Variants in KDM4C observed in about 807,000 individuals in gnomAD.
The protein encoded by KDM4C is lysine demethylase 4C, also known as lysine-specific demethylase 4C.
Under a neutral mutation model 129.3 loss-of-function variants are expected in KDM4C, and 81 were observed. The observed-to-expected ratio is 0.63, with a 90% CI of 0.52 to 0.75. The LOEUF is 0.75. Among genes scored for constraint, KDM4C ranks in the 30% least tolerant of loss-of-function variants. The probability of loss-of-function intolerance (pLI) is 0.00; values close to 1 mark genes in which losing one functional copy is unlikely to be tolerated. For synonymous variants in KDM4C, 573 were observed against 456.1 expected, an observed-to-expected ratio of 1.26 and a Z score of -3.26; for missense variants, 1,457 against 1,304.0, an observed-to-expected ratio of 1.12 and a Z score of -1.81.
At chr9:6,860,910 T>C (rs1840810965) in intron 5 of KDM4C, among the ~76,000 whole-genome samples, 1 of 152,178 alleles carries the variant, frequency 6.6e-6, no homozygotes, top group African/African-American at 2.4e-5. Context: ...AACTCCTTTT[T>C]TGTAAAAGTG....
intron 4 of KDM4C, among the ~76,000 whole-genome samples, chr9:6,832,413 C>A (rs530196795): frequency 5.9e-4 from 87 of 147,664 alleles, no homozygotes; most frequent in African/African-American, 1.8e-3. Flanking sequence ...ATAGATTATT[C>A]TTTTTCTTTT....
Position 6,984,454 on chromosome 9 carries a change from G to A in KDM4C, c.1354+50G>A, listed in dbSNP as rs556636144. On this transcript the variant is annotated intron_variant, in intron 10 of 21. Coordinates refer to ENST00000381309, the MANE Select transcript of KDM4C (RefSeq NM_015061.6). ...CACATATAAGTAGTAGGTGGTTGAT[G>A]ATCAGATGTCTTAAATGGATGTTCA... 11 of 1,195,746 alleles carry A rather than the reference G, an allele frequency of 9.2e-6. No individual in the cohort carries two copies. The South Asian group carries it at 1.4e-4, about 15-fold the overall frequency. The allele number at this position is 1,195,746 out of a possible 1,614,324, so 74.1% of individuals were successfully genotyped here. A position where few individuals can be genotyped will look rare whatever the true frequency, so the allele number is the denominator to read the frequency against.
At chr9:6,807,410 C>G (rs1377974475) in intron 3 of KDM4C, among the ~76,000 whole-genome samples, 3 of 144,808 alleles carry the variant, frequency 2.1e-5, no homozygotes, top group African/African-American at 7.8e-5. Context: ...CGTCTCCGCC[C>G]GGCCGCCATC....
At chr9:6,789,713 G>C (rs950486040) in intron 1 of KDM4C, among the ~76,000 whole-genome samples, 2 of 151,844 alleles carry the variant, frequency 1.3e-5, no homozygotes, top group Non-Finnish European at 2.9e-5. Flanking sequence ...TATAGAGTGA[G>C]GCTGCTATCC....
intron 5 of KDM4C, among the ~76,000 whole-genome samples, chr9:6,864,169 A>T (rs1160982183): frequency 6.6e-6 from 1 of 151,904 alleles, no homozygotes; most frequent in Admixed American, 6.6e-5. Context: ...TCCCTTTAAG[A>T]TTTCTTGTAA....
At chr9:6,841,682 C>A (rs1018427742) in intron 4 of KDM4C, among the ~76,000 whole-genome samples, 1 of 152,092 alleles carries the variant, frequency 6.6e-6, no homozygotes, top group African/African-American at 2.4e-5. Context: ...CCACAGTCTC[C>A]GTGTTGATAT....
rs76055221 is a variant in KDM4C, at chr9:7,036,307, A to G, written c.2260-10555A>G. ...ATAAGCCAGCTGGGTTTTTATTTGA[A>G]AACCAAATGTTGTATAACGTTAACA... On this transcript the variant is annotated intron_variant, in intron 15 of 21. Coordinates refer to ENST00000381309, the MANE Select transcript of KDM4C (RefSeq NM_015061.6). Among the ~76,000 whole-genome samples, 615 of 152,312 alleles carry G rather than the reference A, an allele frequency of 4.0e-3. 2 individuals carry two copies. The highest frequency in any genetic ancestry group is 0.014 in the African/African-American group (569 of 41,552).
intron 15 of KDM4C, among the ~76,000 whole-genome samples, chr9:7,043,344 A>G (rs1445290326): frequency 6.6e-6 from 1 of 152,022 alleles, no homozygotes; most frequent in Non-Finnish European, 1.5e-5. Flanking sequence ...ATACAGGTAC[A>G]ATTACTGTTT....
intron 1 of KDM4C, chr9:6,734,474 A>G (rs1817457218): frequency 1.2e-5 from 2 of 165,198 alleles, no homozygotes; most frequent in Non-Finnish European, 2.6e-5. Context: ...TTGTATTTTT[A>G]GTAGAGACAG....
At chr9:7,169,553 C>T (rs538995028) in intron 20 of KDM4C, among the ~76,000 whole-genome samples, 89 of 152,120 alleles carry the variant, frequency 5.9e-4, no homozygotes, top group Admixed American at 1.3e-3. Flanking sequence ...AGGATGGTCT[C>T]GATCTCCTGA....
intron 4 of KDM4C, among the ~76,000 whole-genome samples, chr9:6,843,718 G>T (rs1342518616): frequency 6.6e-6 from 1 of 152,184 alleles, no homozygotes; most frequent in Admixed American, 6.5e-5. Flanking sequence ...CTGATACTCG[G>T]TTACTCTTTC....
At chr9:7,125,012 A>G (rs930090699) in intron 18 of KDM4C, among the ~76,000 whole-genome samples, 1 of 152,112 alleles carries the variant, frequency 6.6e-6, no homozygotes, top group African/African-American at 2.4e-5. Context: ...CTATGGCCAT[A>G]CAGACCTGGA....
intron 18 of KDM4C, among the ~76,000 whole-genome samples, chr9:7,122,257 A>ACTCTCTCT (rs1177380751): frequency 9.4e-6 from 1 of 105,858 alleles, no homozygotes; most frequent in Admixed American, 1.1e-4. Context: ...ACACACACAC[A>ACTCTCTCT]CACACACACT....
At chr9:6,852,048 T>G (rs967667528) in intron 5 of KDM4C, among the ~76,000 whole-genome samples, 1 of 152,208 alleles carries the variant, frequency 6.6e-6, no homozygotes, top group African/African-American at 2.4e-5. Context: ...AGTAGTGAGT[T>G]GTAACACTGA....
intron 17 of KDM4C, among the ~76,000 whole-genome samples, chr9:7,093,542 A>G (rs865820922): frequency 2.0e-5 from 3 of 152,102 alleles, no homozygotes; most frequent in Non-Finnish European, 4.4e-5. Flanking sequence ...CTCACTTGGC[A>G]TTGGATGGTC....
intron 15 of KDM4C, among the ~76,000 whole-genome samples, chr9:7,024,919 A>G (rs1487841206): frequency 1.3e-5 from 2 of 152,176 alleles, no homozygotes; most frequent in Admixed American, 1.3e-4. Flanking sequence ...ACCAACTTCC[A>G]CAGTGGTTGA....
chr9:6,959,631 T>A (rs1474623651), intron 8 of KDM4C, among the ~76,000 whole-genome samples: 13 of 152,154 alleles, frequency 8.5e-5, no homozygotes, highest in Non-Finnish European at 5.9e-5. Context: ...AATTTAAGAG[T>A]TTATATTATA....
At chr9:6,797,715 G>C (rs1009099037) in intron 2 of KDM4C, among the ~76,000 whole-genome samples, 1 of 152,162 alleles carries the variant, frequency 6.6e-6, no homozygotes, top group Non-Finnish European at 1.5e-5. Flanking sequence ...TGCTCACAAG[G>C]TGAAGAAAGA....
intron 17 of KDM4C, among the ~76,000 whole-genome samples, chr9:7,050,291 T>C (rs1195027853): frequency 6.6e-6 from 1 of 151,408 alleles, no homozygotes; most frequent in South Asian, 2.1e-4. Context: ...CATGTGGTAG[T>C]TGGAAGTTTT....
Sources: allele counts gnomAD v4.1 joint callset (sites outside exome capture counted in the v4.1 genomes callset), GRCh38; gene constraint gnomAD v4.1.1; transcripts MANE v1.5; gene names NCBI Gene and HGNC (gene_info 2026-07-23, HGNC 2026-07-21).